The following DNAJC13 variants were observed in gnomAD, a reference collection of about 807,000 sequenced individuals.
DNAJC13 encodes the protein dnaJ homolog subfamily C member 13.
Under a neutral mutation model 290.5 loss-of-function variants are expected in DNAJC13, and 75 were observed. The observed-to-expected ratio is 0.26, with a 90% CI of 0.21 to 0.31. DNAJC13 has a LOEUF of 0.31. Ranked by LOEUF, DNAJC13 falls within the 10% of genes least tolerant of loss-of-function variation. DNAJC13 has a pLI of 1.00. For missense variants in DNAJC13, 2,260 were observed against 2,674.5 expected (o/e 0.85, Z 3.42); for synonymous variants, 862 against 892.0 (o/e 0.97, Z 0.60).
At chr3:132,516,379 C>G in intron 46 of DNAJC13, 43 bp from the exon 47 acceptor site, 1 of 1,588,720 alleles carries the variant, frequency 6.3e-7, no homozygotes, top group South Asian at 1.1e-5. Flanking sequence ...TAAATATAAG[C>G]TAACCTGATG....
intron 1 of DNAJC13, among the ~76,000 whole-genome samples, chr3:132,418,038 C>A (rs1938845365): frequency 6.6e-6 from 1 of 152,084 alleles, no homozygotes; most frequent in Admixed American, 6.6e-5. Flanking sequence ...CCTCCACTCG[C>A]CTTAACATAT....
chr3:132,434,808 C>A (rs543152074), intron 2 of DNAJC13, among the ~76,000 whole-genome samples, 190 bp downstream of exon 2: 1 of 152,148 alleles, frequency 6.6e-6, no homozygotes, highest in East Asian at 1.9e-4. Flanking sequence ...TTTTCAGTAT[C>A]TTTCTTGGGA....
chr3:132,480,221 A>C, intron 25 of DNAJC13, 148 bp from the exon 26 acceptor site: 2 of 486,666 alleles, frequency 4.1e-6, no homozygotes, highest in Non-Finnish European at 3.6e-6. Flanking sequence ...AAGTAATACC[A>C]GTCGTATCAC....
chr3:132,424,103 T>A (rs1020881895), intron 1 of DNAJC13, among the ~76,000 whole-genome samples: 1 of 152,160 alleles, frequency 6.6e-6, no homozygotes, highest in African/African-American at 2.4e-5. Flanking sequence ...CAATAATGTG[T>A]ATAAACTAAA....
chr3:132,421,806 A>G (rs1185009298), intron 1 of DNAJC13, among the ~76,000 whole-genome samples: 1 of 152,080 alleles, frequency 6.6e-6, no homozygotes, highest in East Asian at 1.9e-4. Context: ...AAATACCACA[A>G]TTGAGATTAT....
rs545429023 is a variant in DNAJC13, at chr3:132,418,073, C to T, written c.-14+313C>T. Among the ~76,000 whole-genome samples, 14 of 152,250 alleles carry T rather than the reference C, an allele frequency of 9.2e-5. No homozygotes were observed. The South Asian group carries it at 2.5e-3, about 27-fold the overall frequency. ...TCCTTACCCCACAGGCTCTTCATTCCCTTGTGGGTTCCGCCCTCGGGATTC... is the reference window on the plus strand; with the variant it reads ...TCCTTACCCCACAGGCTCTTCATTCTCTTGTGGGTTCCGCCCTCGGGATTC... On this transcript the variant is annotated intron_variant, in intron 1 of 55. Transcript: ENST00000260818.
At chr3:132,450,870 A>G in intron 6 of DNAJC13, 23 bp downstream of exon 6, 5 of 1,403,490 alleles carry the variant, frequency 3.6e-6, no homozygotes, top group Non-Finnish European at 4.9e-6. Context: ...TTAAAAAAAA[A>G]AAACACTTTA....
intron 55 of DNAJC13, among the ~76,000 whole-genome samples, chr3:132,532,581 T>C (rs1307501094): frequency 6.6e-6 from 1 of 152,100 alleles, no homozygotes; most frequent in Non-Finnish European, 1.5e-5. Flanking sequence ...GTGTTAAAAT[T>C]ATAGCTTCTA....
intron 1 of DNAJC13, among the ~76,000 whole-genome samples, chr3:132,426,725 AT>A (rs747332956): frequency 6.6e-6 from 1 of 152,088 alleles, no homozygotes; most frequent in Non-Finnish European, 1.5e-5. Context: ...ATTTTTTTGA[AT>A]CACTTTTAGA....
In DNAJC13 at chr3:132,460,366, T is replaced by C. The variant is rs1933749494; in HGVS notation, c.1557+9T>C. 1 of 1,567,190 alleles carries C rather than the reference T, an allele frequency of 6.4e-7. No individual in the cohort carries two copies. The highest frequency in any genetic ancestry group is 8.8e-7 in the Non-Finnish European group (1 of 1,138,968). On this transcript the variant is annotated intron_variant, in intron 14 of 55. Coordinates refer to ENST00000260818, the MANE Select transcript of DNAJC13 (RefSeq NM_015268.4). ...AATTTAATTCCCATGTGGTAAGTTA[T>C]AATTAAATTTGTCTTCATGGTAGAT...
intron 44 of DNAJC13, among the ~76,000 whole-genome samples, chr3:132,512,800 G>A (rs1935816570): frequency 1.3e-5 from 2 of 152,126 alleles, no homozygotes; most frequent in Non-Finnish European, 2.9e-5. Context: ...TGAAAACAAA[G>A]TAAACCTAAA....
chr3:132,538,262 G>C lies in DNAJC13; in HGVS notation c.6712G>C (p.Asp2238His). ...ACCTCCTGTAGACCATGAGGCAGGC[G>C]ACCTTGGCTATCAGACTTGAAATAT... ...LPPPVDHEAG[D>H]LGYQT Residue 2238 changes from aspartate to histidine, a missense_variant, in exon 56 of 56, where the codon GAC becomes CAC. Asp to His is a moderately conservative substitution (Grantham distance 81). Coordinates refer to ENST00000260818, the MANE Select transcript of DNAJC13 (RefSeq NM_015268.4). 4.3e-6 allele frequency: 7 copies of C among 1,613,610 alleles called. No individual in the cohort carries two copies. Among genetic ancestry groups the C allele is most frequent in the Non-Finnish European group, 5.9e-6 (7 of 1,179,896 alleles).
chr3:132,512,518 A>G (rs1935807499), intron 44 of DNAJC13, among the ~76,000 whole-genome samples: 1 of 152,200 alleles, frequency 6.6e-6, no homozygotes, highest in Non-Finnish European at 1.5e-5. Flanking sequence ...AGGAATGGAA[A>G]TACCATTTCA....
At chr3:132,503,850 C>T (rs927668728) in intron 41 of DNAJC13, among the ~76,000 whole-genome samples, 1 of 152,004 alleles carries the variant, frequency 6.6e-6, no homozygotes, top group Admixed American at 6.5e-5. Context: ...ATCAGTATGA[C>T]ATGATAGATC....
At chr3:132,452,453 G>A (rs887003801) in intron 6 of DNAJC13, among the ~76,000 whole-genome samples, 1 of 152,208 alleles carries the variant, frequency 6.6e-6, no homozygotes, top group Admixed American at 6.5e-5. Flanking sequence ...CTCAGCAGGG[G>A]AGCTGTTGAC....
chr3:132,448,530 G>T (rs935963771), intron 5 of DNAJC13, among the ~76,000 whole-genome samples: 1 of 152,098 alleles, frequency 6.6e-6, no homozygotes, highest in African/African-American at 2.4e-5. Context: ...AGAGGAACAG[G>T]AGTGTAACCT....
intron 17 of DNAJC13, 138 bp downstream of exon 17, chr3:132,463,955 T>TA: frequency 9.8e-7 from 1 of 1,017,564 alleles, no homozygotes; most frequent in Non-Finnish European, 1.3e-6. Flanking sequence ...TTCCTTTCCT[T>TA]ACAGAAGGAT....
intron 2 of DNAJC13, among the ~76,000 whole-genome samples, chr3:132,443,634 A>G (rs1933146256): frequency 6.6e-6 from 1 of 152,184 alleles, no homozygotes; most frequent in Non-Finnish European, 1.5e-5. Context: ...GCTTAAAAAG[A>G]TGTCTTAAAT....
rs763306232 is a variant in DNAJC13 at position 132,477,765 on chromosome 3, T to TAAAAA, written c.2446-24_2446-23insAAAAA. 22 of 1,542,928 alleles carry TAAAAA rather than the reference T, an allele frequency of 1.4e-5. No homozygotes were observed. The East Asian group carries it at 5.0e-4, about 35-fold the overall frequency. On this transcript the variant is annotated intron_variant, in intron 22 of 55. Transcript: ENST00000260818. The stretch of plus-strand genomic sequence containing the variant: ...CAAAATCTATTGTAAACTAAAATAG[T>TAAAAA]GTAATTTGCTTTTGTTTATGAAGGT...
Sources: allele counts gnomAD v4.1 joint callset (sites outside exome capture counted in the v4.1 genomes callset), GRCh38; gene constraint gnomAD v4.1.1; transcripts MANE v1.5; gene names NCBI Gene and HGNC (gene_info 2026-07-23, HGNC 2026-07-21).